Variants in CYFIP1 observed in about 807,000 individuals in gnomAD.
The protein encoded by CYFIP1 is cytoplasmic FMR1-interacting protein 1.
CYFIP1 carries 58 observed loss-of-function variants against 163.5 expected under a neutral mutation model. The observed-to-expected ratio is 0.35, with a 90% CI of 0.29 to 0.44. The LOEUF is 0.44. Ranked by LOEUF, CYFIP1 falls within the 20% of genes least tolerant of loss-of-function variation. The pLI is 1.00. For missense variants in CYFIP1, 1,338 were observed against 1,653.8 expected (o/e 0.81, Z 3.31); for synonymous variants, 663 against 660.7 (o/e 1.00, Z -0.05).
chr15:22,917,250 C>T lies in CYFIP1; in HGVS notation c.1674+538G>A, dbSNP rs758709038. 1.5e-5 allele frequency: 21 copies of T among 1,396,388 alleles called. No individual in the cohort carries two copies. The highest frequency in any genetic ancestry group is 1.9e-5 in the Non-Finnish European group (21 of 1,082,244). The allele number at this position is 1,396,388 out of a possible 1,614,324, so 86.5% of individuals were successfully genotyped here. On this transcript the variant is annotated intron_variant, in intron 15 of 30. Coordinates refer to ENST00000617928, the MANE Select transcript of CYFIP1 (RefSeq NM_014608.6). This position sits in a 1 kb window ranked among gnomAD's most constrained non-coding sequence, Gnocchi z 4.2. ...GGCAGAAGAGATTAAAAGCCTCCGG[C>T]AGAGATGAGGGAGAAGACCAGCCCC...
intron 5 of CYFIP1, among the ~76,000 whole-genome samples, chr15:22,944,253 A>G (rs955983755): frequency 6.6e-6 from 1 of 151,736 alleles, no homozygotes; most frequent in Non-Finnish European, 1.5e-5. Flanking sequence ...AAAAAAAAAA[A>G]AAAAAAAAGT....
intron 8 of CYFIP1, among the ~76,000 whole-genome samples, chr15:22,937,768 AT>A (rs1248185440): frequency 2.6e-5 from 4 of 151,308 alleles, no homozygotes; most frequent in Admixed American, 1.3e-4. Flanking sequence ...CGCCTGGCTA[AT>A]TTTTTTTGTA....
chr15:22,909,675 T>A (rs2060715077), intron 20 of CYFIP1, among the ~76,000 whole-genome samples: 1 of 152,218 alleles, frequency 6.6e-6, no homozygotes, highest in South Asian at 2.1e-4. Context: ...TTTTCCATAT[T>A]TTACTAACTA....
intron 26 of CYFIP1, among the ~76,000 whole-genome samples, chr15:22,878,878 T>C (rs2049645579): frequency 6.6e-6 from 1 of 152,194 alleles, no homozygotes; most frequent in South Asian, 2.1e-4. Flanking sequence ...GGCTCACGCC[T>C]GTAATCCCAG....
chr15:22,975,887 T>C (rs925780767), intron 1 of CYFIP1, among the ~76,000 whole-genome samples: 1 of 152,198 alleles, frequency 6.6e-6, no homozygotes, highest in African/African-American at 2.4e-5. Context: ...TATACCTCAA[T>C]AAACAAAATT....
intron 1 of CYFIP1, among the ~76,000 whole-genome samples, chr15:22,973,489 T>C (rs1713490458): frequency 6.6e-6 from 1 of 152,054 alleles, no homozygotes; most frequent in Admixed American, 6.6e-5. Context: ...CCCTTGTATC[T>C]AACTGTAAAT....
Position 22,917,666 on chromosome 15 carries a change from T to C in CYFIP1, c.1674+122A>G, listed in dbSNP as rs769302651. ...AGCAGCAGAAACCACAGGCGCCACT[T>C]TCTCTGCCTGAGCAGGCAGCGAGGA... On this transcript the variant is annotated intron_variant, in intron 15 of 30. Coordinates refer to ENST00000617928, the MANE Select transcript of CYFIP1 (RefSeq NM_014608.6). This position sits in a 1 kb window ranked among gnomAD's most constrained non-coding sequence, Gnocchi z 4.2. 2 of 1,228,342 alleles carry C rather than the reference T, an allele frequency of 1.6e-6. No individual in the cohort carries two copies. The highest frequency in any genetic ancestry group is 2.2e-6 in the Non-Finnish European group (2 of 914,496). The allele number at this position is 1,228,342 out of a possible 1,614,324, so 76.1% of individuals were successfully genotyped here.
intron 15 of CYFIP1, 39 bp from the exon 16 acceptor site, chr15:22,916,669 T>C (rs879648531): frequency 1.2e-6 from 2 of 1,614,108 alleles, no homozygotes; most frequent in Non-Finnish European, 1.7e-6. Context: ...GGAGAAAATA[T>C]ACATGGTACA....
chr15:22,892,808 G>T, intron 23 of CYFIP1, 82 bp downstream of exon 23: 3 of 1,054,884 alleles, frequency 2.8e-6, no homozygotes, highest in South Asian at 1.3e-5. Context: ...TTAGGTCACT[G>T]CAACCAAACC....
intron 1 of CYFIP1, among the ~76,000 whole-genome samples, chr15:22,964,369 A>T (rs1248072962): frequency 2.8e-5 from 3 of 108,704 alleles, no homozygotes; most frequent in African/African-American, 4.1e-5. Context: ...ACACACACAC[A>T]CACACACACA....
chr15:22,935,165 C>T (rs1045469108), intron 9 of CYFIP1, among the ~76,000 whole-genome samples: 4 of 152,166 alleles, frequency 2.6e-5, no homozygotes, highest in Non-Finnish European at 5.9e-5. Flanking sequence ...TCCTGAAGGA[C>T]AAAACTGGAA....
At chr15:22,885,573 A>T (rs978294183) in intron 23 of CYFIP1, among the ~76,000 whole-genome samples, 1 of 152,156 alleles carries the variant, frequency 6.6e-6, no homozygotes, top group African/African-American at 2.4e-5. Context: ...TCTACTAAAA[A>T]TACAAAAAAA....
intron 23 of CYFIP1, among the ~76,000 whole-genome samples, chr15:22,889,476 T>G (rs1853876880): frequency 3.3e-5 from 5 of 152,164 alleles, no homozygotes; most frequent in Admixed American, 3.3e-4. Context: ...TCAAGAGCCT[T>G]TAACACCACA....
chr15:22,895,934 A>T (rs1270660076), intron 22 of CYFIP1, among the ~76,000 whole-genome samples: 2 of 152,206 alleles, frequency 1.3e-5, no homozygotes, highest in African/African-American at 2.4e-5. Flanking sequence ...AACCTCCCAG[A>T]CTTTGCCCTG....
At chr15:22,887,169 C>T (rs1278733504) in intron 23 of CYFIP1, among the ~76,000 whole-genome samples, 1 of 152,184 alleles carries the variant, frequency 6.6e-6, no homozygotes, top group East Asian at 1.9e-4. Context: ...TAAACTGCAG[C>T]TGTAAGACTC....
intron 22 of CYFIP1, among the ~76,000 whole-genome samples, chr15:22,901,193 ACT>A (rs2060382067): frequency 6.6e-6 from 1 of 150,624 alleles, no homozygotes; most frequent in African/African-American, 2.4e-5. Context: ...ACAGAGTAAG[ACT>A]CTGTCACAAA....
Position 22,874,610 on chromosome 15 carries a change from T to A in CYFIP1, c.3150A>T (p.Leu1050=). 6.2e-7 allele frequency: 1 copy of A among 1,605,636 alleles called. No homozygotes were observed. Among genetic ancestry groups the A allele is most frequent in the Non-Finnish European group, 8.5e-7 (1 of 1,177,052 alleles). Reference sequence around the variant, plus strand: ...GATGCAGCGGGGCGTACTTTGATTCTAGTCTTTTCATTTTGGCATCAAGTC... The same window carrying A: ...GATGCAGCGGGGCGTACTTTGATTCAAGTCTTTTCATTTTGGCATCAAGTC... The part of the protein sequence containing the change: ...GERLDAKMKR[L]ESKYAPLHLV... Residue 1050 remains leucine (L), a synonymous_variant, in exon 28 of 31, where the codon CTA becomes CTT. Transcript: ENST00000617928.
At chr15:22,893,698 G>C (rs1360084764) in intron 22 of CYFIP1, among the ~76,000 whole-genome samples, 1 of 152,152 alleles carries the variant, frequency 6.6e-6, no homozygotes, top group Non-Finnish European at 1.5e-5. Flanking sequence ...CTGCACAGAG[G>C]AGCAGCCACT....
Position 22,939,219 on chromosome 15 carries a change from C to T in CYFIP1, c.768G>A (p.Thr256=), listed in dbSNP as rs573484128. 1.2e-5 allele frequency: 20 copies of T among 1,614,186 alleles called. No individual in the cohort carries two copies. The highest frequency in any genetic ancestry group is 1.7e-5 in the Admixed American group (1 of 60,016). The change falls in exon 8 of 31, where the codon ACG becomes ACA. Residue 256 remains threonine (T), a synonymous_variant. Transcript: ENST00000617928. ...VDYYENRMYL[T]PSEKHMLLKV... Reference sequence around the variant, plus strand: ...TGAGAAGCATGTGTTTCTCACTGGGCGTCAAATACATCCTGTTCTCGTAGT... The same window carrying T: ...TGAGAAGCATGTGTTTCTCACTGGGTGTCAAATACATCCTGTTCTCGTAGT...
Sources: gnomAD v4.1 joint callset for allele counts (sites outside exome capture counted in the v4.1 genomes callset) on GRCh38, gnomAD v4.1.1 for gene constraint, Gnocchi (gnomAD v3.1) non-coding constraint, MANE v1.5 for transcripts, NCBI Gene and HGNC (gene_info 2026-07-23, HGNC 2026-07-21) for gene names.